Variants in CACNA1A observed in about 807,000 individuals in gnomAD.
CACNA1A encodes the protein calcium voltage-gated channel subunit alpha1 A, also known as voltage-dependent P/Q-type calcium channel subunit alpha-1A.
CACNA1A carries 57 observed loss-of-function variants against 262.4 expected under a neutral mutation model. The ratio of observed to expected loss-of-function variants is 0.22; its 90% CI spans 0.18 to 0.27. The LOEUF is 0.27. Among genes scored for constraint, CACNA1A ranks in the 10% least tolerant of loss-of-function variants. The pLI, the probability that CACNA1A is intolerant of heterozygous loss-of-function variation, is 1.00. For synonymous variants in CACNA1A, 1,431 were observed against 1,419.3 expected (o/e 1.01, Z -0.18); for missense variants, 2,526 against 3,562.8 (o/e 0.71, Z 7.41).
At chr19:13,359,547 C>G in intron 6 of CACNA1A, 59 bp downstream of exon 6, 1 of 1,393,252 alleles carries the variant, frequency 7.2e-7, no homozygotes, top group Non-Finnish European at 1.0e-6. Flanking sequence ...TCACTGGTCC[C>G]AGGAGGCCAC....
intron 6 of CACNA1A, among the ~76,000 whole-genome samples, chr19:13,343,488 G>A (rs1324024635): frequency 6.6e-6 from 1 of 151,950 alleles, no homozygotes; most frequent in African/African-American, 2.4e-5. Flanking sequence ...TGAGGCAGGT[G>A]AGAAAGTGTC....
Position 13,206,539 on chromosome 19 carries a change from G to GAAAA in CACNA1A, c.*770_*773dup, listed in dbSNP as rs1301996821. ...GTTTTCAAACAAGGTAGGAAAAAAG[G>GAAAA]AAAAAAGAAGCAAAGGAATCGGTGG... On this transcript the variant is annotated 3_prime_UTR_variant, in exon 47 of 47. Transcript: ENST00000360228. 2.0e-5 allele frequency: 3 copies of GAAAA among 153,118 alleles called. No individual in the cohort carries two copies. The highest frequency in any genetic ancestry group is 7.3e-5 in the African/African-American group (3 of 41,340). 9.5% of individuals were successfully genotyped at this position (153,118 alleles called of 1,614,324 possible).
At chr19:13,252,207 C>T (rs1175036102) in intron 30 of CACNA1A, among the ~76,000 whole-genome samples, 1 of 151,772 alleles carries the variant, frequency 6.6e-6, no homozygotes, top group African/African-American at 2.4e-5. Context: ...GCACTACAGG[C>T]ACGAGTTACC....
At chr19:13,382,250 G>A (rs779851363) in intron 3 of CACNA1A, among the ~76,000 whole-genome samples, 1 of 152,158 alleles carries the variant, frequency 6.6e-6, no homozygotes, top group South Asian at 2.1e-4. Context: ...CATGTCCGGG[G>A]AGGCAGCATA....
chr19:13,220,807 G>A (rs567133135), intron 38 of CACNA1A, among the ~76,000 whole-genome samples: 1 of 152,230 alleles, frequency 6.6e-6, no homozygotes, highest in African/African-American at 2.4e-5. Context: ...AAAATTTTCT[G>A]TAGAGATGGG....
At chr19:13,232,501 G>A (rs2055701659) in intron 34 of CACNA1A, among the ~76,000 whole-genome samples, 2 of 152,036 alleles carry the variant, frequency 1.3e-5, no homozygotes, top group East Asian at 1.9e-4. Flanking sequence ...GGAGGCTGAG[G>A]TGGGTGGATC....
At chr19:13,466,443 C>A (rs1214273982) in intron 1 of CACNA1A, among the ~76,000 whole-genome samples, 1 of 151,772 alleles carries the variant, frequency 6.6e-6, no homozygotes, top group African/African-American at 2.4e-5. Flanking sequence ...TGGGTTCAAG[C>A]TATTCTCGTG....
intron 3 of CACNA1A, among the ~76,000 whole-genome samples, chr19:13,412,700 C>T (rs1223246032): frequency 2.6e-5 from 4 of 152,038 alleles, no homozygotes; most frequent in East Asian, 1.9e-4. Flanking sequence ...TGGTCTCAAA[C>T]GCCCAACCTC....
chr19:13,217,857 C>T (rs2055070759), intron 38 of CACNA1A, among the ~76,000 whole-genome samples: 1 of 151,542 alleles, frequency 6.6e-6, no homozygotes, highest in Admixed American at 6.6e-5. Context: ...ATCTCTAAGC[C>T]TTTGAAATGT....
chr19:13,452,699 T>C, intron 3 of CACNA1A, 177 bp downstream of exon 3: 1 of 583,570 alleles, frequency 1.7e-6, no homozygotes, highest in East Asian at 2.7e-5. Flanking sequence ...AAGCATCTGC[T>C]GTAATATACA....
chr19:13,374,805 CT>C, intron 3 of CACNA1A, among the ~76,000 whole-genome samples: 1 of 152,198 alleles, frequency 6.6e-6, no homozygotes. Flanking sequence ...GTGGGGGAGA[CT>C]GAGAGTAAAC....
intron 36 of CACNA1A, chr19:13,228,620 A>T: frequency 3.0e-6 from 1 of 329,806 alleles, no homozygotes; most frequent in Non-Finnish European, 5.4e-6. Flanking sequence ...ATATATATAT[A>T]TATATGAAAT....
At chr19:13,468,930 C>G (rs2061301144) in intron 1 of CACNA1A, among the ~76,000 whole-genome samples, 2 of 152,198 alleles carry the variant, frequency 1.3e-5, no homozygotes, top group African/African-American at 4.8e-5. Flanking sequence ...TGTCCACCAT[C>G]ATGGCCCCCA....
In CACNA1A at chr19:13,241,662, G is replaced by A. The variant is rs925574930; in HGVS notation, c.4950+3520C>T. ...TTCGGTTCCCGGGCGGGGAGTGGGG[G>A]TGGTGGTGGCGGTGGGTTGGGAGAT... On this transcript the variant is annotated intron_variant, in intron 31 of 46. Transcript: ENST00000360228. The surrounding 1 kb of genome is among the most constrained non-coding windows in gnomAD (Gnocchi z 4.0). 5 of 659,156 alleles carry A rather than the reference G, an allele frequency of 7.6e-6. No individual in the cohort carries two copies. Among genetic ancestry groups the A allele is most frequent in the African/African-American group, 1.8e-5 (1 of 56,078 alleles). The allele number at this position is 659,156 out of a possible 1,614,324, so 40.8% of individuals were successfully genotyped here.
At chr19:13,262,973 C>T (rs2056772180) in intron 24 of CACNA1A, 140 bp from the exon 25 acceptor site, 1 of 673,986 alleles carries the variant, frequency 1.5e-6, no homozygotes, top group African/African-American at 1.8e-5. Flanking sequence ...CCCTGCCCTT[C>T]CTGGTGAAGA....
chr19:13,377,943 C>T (rs187121776), intron 3 of CACNA1A, among the ~76,000 whole-genome samples: 117 of 151,948 alleles, frequency 7.7e-4, no homozygotes, highest in African/African-American at 2.6e-3. Flanking sequence ...GTCTGGGCAA[C>T]ATAGTGAGAC....
At chr19:13,376,737 T>C (rs866695663) in intron 3 of CACNA1A, among the ~76,000 whole-genome samples, 50 of 148,060 alleles carry the variant, frequency 3.4e-4, no homozygotes, top group African/African-American at 8.9e-4. Context: ...TTATATATGA[T>C]ATATATAACA....
intron 3 of CACNA1A, among the ~76,000 whole-genome samples, chr19:13,397,471 G>A (rs1258859217): frequency 6.6e-6 from 1 of 152,178 alleles, no homozygotes; most frequent in African/African-American, 2.4e-5. Flanking sequence ...GGTAGGGCTT[G>A]CAAGGAGGTG....
At chr19:13,256,525 C>G (rs1326999765) in intron 28 of CACNA1A, 2 of 151,922 alleles carry the variant, frequency 1.3e-5, no homozygotes, top group African/African-American at 4.8e-5. Context: ...GGGTCTTGCT[C>G]TGTTGCCCAG....
Sources: gnomAD v4.1 joint callset for allele counts (sites outside exome capture counted in the v4.1 genomes callset) on GRCh38, gnomAD v4.1.1 for gene constraint, Gnocchi (gnomAD v3.1) non-coding constraint, MANE v1.5 for transcripts, NCBI Gene and HGNC (gene_info 2026-07-23, HGNC 2026-07-21) for gene names.